The following SLC36A1 variants were observed in gnomAD, a reference collection of about 807,000 sequenced individuals.
The protein encoded by SLC36A1 is proton-coupled amino acid transporter 1.
SLC36A1 carries 30 observed loss-of-function variants against 47.5 expected under a neutral mutation model. That is an observed-to-expected ratio of 0.63 (90% CI 0.47 to 0.86). The LOEUF (loss-of-function observed/expected upper bound fraction) is 0.86. Among genes scored for constraint, SLC36A1 ranks in the 40% least tolerant of loss-of-function variants. The pLI is 0.00. For missense variants in SLC36A1, 517 were observed against 606.0 expected (o/e 0.85, Z 1.54); for synonymous variants, 255 against 249.7 (o/e 1.02, Z -0.20).
At chr5:151,543,727 A>G in the SLC36A1 span, 1 of 1,614,232 alleles carries the variant, frequency 6.2e-7, no homozygotes, top group East Asian at 2.2e-5. Context: ...GTTGATGTAC[A>G]CAGGCACAGT....
chr5:151,453,489 G>A (rs543057384), intron 1 of SLC36A1, among the ~76,000 whole-genome samples: 1 of 151,778 alleles, frequency 6.6e-6, no homozygotes, highest in Non-Finnish European at 1.5e-5. Context: ...AGTGGTTACT[G>A]TACTGGATGG....
chr5:151,395,004 A>T, the SLC36A1 span, among the ~76,000 whole-genome samples: 1 of 152,318 alleles, frequency 6.6e-6, no homozygotes, highest in Admixed American at 6.5e-5. Flanking sequence ...CCAGAGGTGG[A>T]TGGAGTCTAC....
At chr5:151,534,484 A>G in the SLC36A1 span, 14 of 1,614,054 alleles carry the variant, frequency 8.7e-6, no homozygotes, top group African/African-American at 1.6e-4. Context: ...GCCACAGCAC[A>G]GTGGCTGGGG....
chr5:151,347,091 G>A, the SLC36A1 span, among the ~76,000 whole-genome samples: 1 of 152,126 alleles, frequency 6.6e-6, no homozygotes, highest in Non-Finnish European at 1.5e-5. Flanking sequence ...GTGCCTTTTG[G>A]GATCTGGATC....
chr5:151,435,895 A>G (rs1418041003), upstream of SLC36A1, among the ~76,000 whole-genome samples: 2 of 152,084 alleles, frequency 1.3e-5, no homozygotes, highest in African/African-American at 4.8e-5. Context: ...TATGAAAGAC[A>G]TATCTAAAAC....
At chr5:151,379,026 G>A in the SLC36A1 span, among the ~76,000 whole-genome samples, 2 of 152,194 alleles carry the variant, frequency 1.3e-5, no homozygotes, top group African/African-American at 4.8e-5. Context: ...GGTCAGAGTT[G>A]GCAAAGCCCA....
At chr5:151,443,752 C>T (rs72798311), upstream of SLC36A1, among the ~76,000 whole-genome samples, 22,187 of 152,150 alleles carry the variant, frequency 0.15, 2,143 homozygotes, top group East Asian at 0.38. Flanking sequence ...AGGCCAGTGT[C>T]CAGGAGCATT....
At chr5:151,381,094 C>A in the SLC36A1 span, 1 of 491,154 alleles carries the variant, frequency 2.0e-6, no homozygotes, top group Non-Finnish European at 3.8e-6. Flanking sequence ...ACGACCATGT[C>A]ACCACCTCTG....
At chr5:151,466,972 G>A (rs747766739) in intron 5 of SLC36A1, among the ~76,000 whole-genome samples, 22 of 152,090 alleles carry the variant, frequency 1.4e-4, no homozygotes, top group Non-Finnish European at 2.2e-4. Context: ...GTGATGGCTT[G>A]GGGAAAAGCA....
At chr5:151,521,524 G>C in the SLC36A1 span, 5 of 1,614,232 alleles carry the variant, frequency 3.1e-6, no homozygotes, top group Non-Finnish European at 4.2e-6. Context: ...GAAGGTTCCA[G>C]AATGCCCCTC....
the SLC36A1 span, chr5:151,529,167 C>T: frequency 6.2e-7 from 1 of 1,612,762 alleles, no homozygotes; most frequent in Non-Finnish European, 8.5e-7. Flanking sequence ...AGCAAGGTGG[C>T]AGATCCTTAC....
the SLC36A1 span, chr5:151,381,140 G>T: frequency 2.1e-6 from 1 of 486,910 alleles, no homozygotes; most frequent in South Asian, 1.8e-5. Context: ...AGGCAAGGAT[G>T]AGCTGGCCAT....
At chr5:151,358,712 G>T in the SLC36A1 span, among the ~76,000 whole-genome samples, 1 of 151,308 alleles carries the variant, frequency 6.6e-6, no homozygotes, top group African/African-American at 2.4e-5. Flanking sequence ...GGTGGCTCAC[G>T]CCTGTAATCC....
the SLC36A1 span, among the ~76,000 whole-genome samples, chr5:151,420,368 C>T: frequency 9.2e-5 from 14 of 152,262 alleles, no homozygotes; most frequent in East Asian, 1.2e-3. Context: ...GGCACTTTTC[C>T]GAAGCCACAC....
chr5:151,373,451 A>C, the SLC36A1 span, among the ~76,000 whole-genome samples: 1 of 152,230 alleles, frequency 6.6e-6, no homozygotes, highest in African/African-American at 2.4e-5. Context: ...AATTAAAGTT[A>C]TCAGAAATTA....
chr5:151,394,050 T>C, the SLC36A1 span, among the ~76,000 whole-genome samples: 4 of 152,252 alleles, frequency 2.6e-5, no homozygotes, highest in African/African-American at 9.6e-5. Flanking sequence ...CAATCAGACG[T>C]AGATTTGGTC....
At chr5:151,445,552 CCTT>C (rs1391577547), upstream of SLC36A1, among the ~76,000 whole-genome samples, 13 of 152,286 alleles carry the variant, frequency 8.5e-5, no homozygotes, top group Admixed American at 3.9e-4. Context: ...TAGTAACAAA[CCTT>C]CTTCTTTGAA....
chr5:151,444,259 T>C (rs1752792964), upstream of SLC36A1, among the ~76,000 whole-genome samples: 1 of 152,182 alleles, frequency 6.6e-6, no homozygotes, highest in Non-Finnish European at 1.5e-5. Context: ...CTTTGGATAG[T>C]ATGGACATTT....
chr5:151,365,393 C>T, the SLC36A1 span, among the ~76,000 whole-genome samples: 1 of 152,208 alleles, frequency 6.6e-6, no homozygotes, highest in Non-Finnish European at 1.5e-5. Context: ...AAATCCTGTC[C>T]TATTTGACAG....
Sources: allele counts gnomAD v4.1 joint callset (sites outside exome capture counted in the v4.1 genomes callset), GRCh38; gene constraint gnomAD v4.1.1; transcripts MANE v1.5; gene names NCBI Gene and HGNC (gene_info 2026-07-23, HGNC 2026-07-21).